ATP6V1E2: variants seen among roughly 807,000 people sequenced by gnomAD.
ATP6V1E2 encodes the protein V-type proton ATPase subunit E 2.
For missense variants in ATP6V1E2, 308 were observed against 273.3 expected, an observed-to-expected ratio of 1.13 and a Z score of -0.90; for synonymous variants, 121 against 104.2, an observed-to-expected ratio of 1.16 and a Z score of -0.98.
At chr2:46,517,719 C>CA (rs1666347464) in intron 4 of ATP6V1E2, among the ~76,000 whole-genome samples, 1 of 152,054 alleles carries the variant, frequency 6.6e-6, no homozygotes, top group South Asian at 2.1e-4. Context: ...ATACAAAGGC[C>CA]AACAGGCATA....
At chr2:46,514,234 C>T (rs956552666) in intron 4 of ATP6V1E2, among the ~76,000 whole-genome samples, 6 of 151,724 alleles carry the variant, frequency 4.0e-5, no homozygotes, top group Non-Finnish European at 7.4e-5. Context: ...GAGCTGAACT[C>T]GACTATTGCA....
intron 4 of ATP6V1E2, among the ~76,000 whole-genome samples, chr2:46,526,889 T>C (rs1666949082): frequency 6.6e-6 from 1 of 152,208 alleles, no homozygotes; most frequent in South Asian, 2.1e-4. Context: ...TTGGGGTATA[T>C]GCCTAGAAGT....
intron 4 of ATP6V1E2, chr2:46,519,795 C>A (rs969188554): frequency 2.0e-5 from 3 of 152,194 alleles, no homozygotes; most frequent in Non-Finnish European, 4.4e-5. Context: ...TTATTGTCCT[C>A]GTCTCCTCTG....
chr2:46,512,583 TC>T lies in ATP6V1E2; in HGVS notation c.128del (p.Gly43AspfsTer9), dbSNP rs1432907969. The T allele has an allele frequency of 3.1e-6, 5 of 1,614,248 alleles. No individual in the cohort carries two copies. The highest frequency in any genetic ancestry group is 1.1e-5 in the South Asian group (1 of 91,084). ...KAEEEFNIEKGRLVQTQRLKI... is the reference protein window; with the variant it reads ...KAEEEFNIEKXRLVQTQRLKI... ...TCAGTCGTTGGGTTTGCACGAGGCG[TC>T]CTTTCTCAATGTTAAACTCTTCCTC... On this transcript the variant is annotated frameshift_variant, in exon 5 of 5. Transcript: ENST00000522587. LOFTEE classifies it low-confidence loss of function (END_TRUNC).
intron 4 of ATP6V1E2, among the ~76,000 whole-genome samples, chr2:46,532,083 C>T (rs1332998876): frequency 6.6e-6 from 1 of 152,158 alleles, no homozygotes; most frequent in African/African-American, 2.4e-5. Context: ...ATGCTTTTGA[C>T]ATCATATATA....
At chr2:46,540,150 G>C (rs1436550085) in intron 2 of ATP6V1E2, among the ~76,000 whole-genome samples, 3 of 152,230 alleles carry the variant, frequency 2.0e-5, no homozygotes, top group African/African-American at 7.2e-5. Context: ...TTCTCAGCCA[G>C]ATGCAGTGAC....
intron 4 of ATP6V1E2, among the ~76,000 whole-genome samples, chr2:46,521,457 G>A (rs1371403787): frequency 1.3e-5 from 2 of 152,172 alleles, no homozygotes; most frequent in East Asian, 1.9e-4. Context: ...GTGTCTGGGT[G>A]TGTGCTTCCT....
At chr2:46,514,664 C>T (rs1687634119) in intron 4 of ATP6V1E2, among the ~76,000 whole-genome samples, 2 of 151,994 alleles carry the variant, frequency 1.3e-5, no homozygotes, top group Non-Finnish European at 2.9e-5. Context: ...ACTTACAGGA[C>T]ATCATCAAGC....
At chr2:46,528,660 T>C (rs1667042919) in intron 4 of ATP6V1E2, among the ~76,000 whole-genome samples, 2 of 152,222 alleles carry the variant, frequency 1.3e-5, no homozygotes, top group Admixed American at 6.5e-5. Flanking sequence ...CATCCAGGAC[T>C]GGGCATCAGA....
chr2:46,514,710 G>A (rs1054884744), intron 4 of ATP6V1E2, among the ~76,000 whole-genome samples: 1 of 152,040 alleles, frequency 6.6e-6, no homozygotes, highest in Admixed American at 6.6e-5. Context: ...CTCAAAAGAA[G>A]GCTGGGAAAA....
chr2:46,518,032 G>C (rs1666372650), intron 4 of ATP6V1E2, among the ~76,000 whole-genome samples: 1 of 152,116 alleles, frequency 6.6e-6, no homozygotes, highest in Admixed American at 6.5e-5. Context: ...ATAGAATCTT[G>C]AAGAAATGTT....
chr2:46,530,039 G>T lies in ATP6V1E2; in HGVS notation c.-102+5774C>A, dbSNP rs147744356. 6.6e-6 allele frequency among the ~76,000 whole-genome samples: 1 copy of T among 152,260 alleles called. No homozygotes were observed. Among genetic ancestry groups the T allele is most frequent in the Non-Finnish European group, 1.5e-5 (1 of 68,012 alleles). ...ACCTGTCCTGTTACATTGTTGCAAA[G>T]GGGGTTGAAGGATATCCCTGACTGT... On this transcript the variant is annotated intron_variant, in intron 4 of 4. Coordinates refer to ENST00000522587, the MANE Select transcript of ATP6V1E2 (RefSeq NM_001318063.2). The surrounding 1 kb of genome is among the most constrained non-coding windows in gnomAD (Gnocchi z 5.2).
In ATP6V1E2 at chr2:46,529,121, G is replaced by A. The variant is rs80246394; in HGVS notation, c.-102+6692C>T. ...CAAGCCTCCATCCAACCTGTAAGTC[G>A]TGGGTAGGGACAGCCCCAAGAGGGA... On this transcript the variant is annotated intron_variant, in intron 4 of 4. Transcript: ENST00000522587. Among the ~76,000 whole-genome samples, 1,511 of 152,342 alleles carry A rather than the reference G, an allele frequency of 9.9e-3. 15 individuals are homozygous for A. The highest frequency in any genetic ancestry group is 0.033 in the African/African-American group (1,357 of 41,582).
intron 4 of ATP6V1E2, among the ~76,000 whole-genome samples, chr2:46,516,929 T>C (rs996129770): frequency 4.6e-5 from 7 of 152,202 alleles, no homozygotes; most frequent in African/African-American, 1.7e-4. Flanking sequence ...ACAGATTCTG[T>C]GCAATCCCTA....
At chr2:46,538,603 T>C (rs571947997) in intron 2 of ATP6V1E2, among the ~76,000 whole-genome samples, 1 of 152,256 alleles carries the variant, frequency 6.6e-6, no homozygotes, top group East Asian at 1.9e-4. Context: ...GCCTGTTTAC[T>C]CTCTGCCCTT....
Position 46,512,211 on chromosome 2 carries a change from A to T in ATP6V1E2, c.501T>A (p.Ile167=). The T allele has an allele frequency of 6.2e-7, 1 of 1,614,050 alleles. No homozygotes were observed. Residue 167 remains isoleucine (I), a synonymous_variant, in exon 5 of 5, where the codon ATT becomes ATA. Coordinates refer to ENST00000522587, the MANE Select transcript of ATP6V1E2 (RefSeq NM_001318063.2). The stretch of plus-strand genomic sequence containing the variant: ...TCACAGCCAGGTATGCCTCTTTATC[A>T]ATCTGGACCTCCACATGTTTCTGGG... ...TISQKHVEVQ[I]DKEAYLAVNA...
At chr2:46,528,782 T>C (rs753830425) in intron 4 of ATP6V1E2, among the ~76,000 whole-genome samples, 14 of 152,200 alleles carry the variant, frequency 9.2e-5, no homozygotes, top group Non-Finnish European at 2.1e-4. Context: ...AACCAGGATG[T>C]TGATGAAGAG....
intron 4 of ATP6V1E2, among the ~76,000 whole-genome samples, chr2:46,525,940 G>A (rs1267499628): frequency 6.6e-6 from 1 of 151,146 alleles, no homozygotes; most frequent in Non-Finnish European, 1.5e-5. Flanking sequence ...CCTGTCTAAA[G>A]GGGCAAATAC....
chr2:46,534,934 G>A (rs762358174), intron 4 of ATP6V1E2: 2 of 152,350 alleles, frequency 1.3e-5, no homozygotes, highest in African/African-American at 2.4e-5. Flanking sequence ...TTATGCATGT[G>A]CAGCTTAGTA....
Sources: allele counts gnomAD v4.1 joint callset (sites outside exome capture counted in the v4.1 genomes callset), GRCh38; gene constraint gnomAD v4.1.1; non-coding constraint Gnocchi (gnomAD v3.1); transcripts MANE v1.5; gene names NCBI Gene and HGNC (gene_info 2026-07-23, HGNC 2026-07-21).